Variants in DYNC2H1 observed in about 807,000 individuals in gnomAD.
DYNC2H1 encodes cytoplasmic dynein 2 heavy chain 1.
Under a neutral mutation model 570.0 loss-of-function variants are expected in DYNC2H1, and 410 were observed. The ratio of observed to expected loss-of-function variants is 0.72; its 90% CI spans 0.66 to 0.78. The LOEUF (loss-of-function observed/expected upper bound fraction) is 0.78. Ranked by LOEUF, DYNC2H1 falls within the 30% of genes least tolerant of loss-of-function variation. The pLI, the probability that DYNC2H1 is intolerant of heterozygous loss-of-function variation, is 0.00. For missense variants in DYNC2H1, 4,865 were observed against 5,046.4 expected (o/e 0.96, Z 1.09); for synonymous variants, 1,688 against 1,677.6 (o/e 1.01, Z -0.15).
intron 4 of DYNC2H1, 71 bp from the exon 5 acceptor site, chr11:103,116,499 G>T: frequency 8.0e-7 from 1 of 1,252,864 alleles, no homozygotes; most frequent in Non-Finnish European, 1.1e-6. Flanking sequence ...GAAAAGGCCT[G>T]GGAACATTTT....
At position 103,278,023 on chromosome 11, in the gene DYNC2H1, C is replaced by A. The variant is rs560502905; in HGVS notation, c.10696-2325C>A. ...TAGGTTGTGCCCTAGGTTACCATGACTGTTTTCCTCTAAGGCAGCCATAGC... is the reference window on the plus strand; with the variant it reads ...TAGGTTGTGCCCTAGGTTACCATGAATGTTTTCCTCTAAGGCAGCCATAGC... On this transcript the variant is annotated intron_variant, in intron 70 of 88. Coordinates refer to ENST00000375735, the MANE Select transcript of DYNC2H1 (RefSeq NM_001377.3). 4.6e-5 allele frequency among the ~76,000 whole-genome samples: 7 copies of A among 152,252 alleles called. No homozygotes were observed. The South Asian group carries it at 1.0e-3, about 23-fold the overall frequency.
At chr11:103,462,115 A>T (rs1164209510) in intron 87 of DYNC2H1, among the ~76,000 whole-genome samples, 2 of 152,100 alleles carry the variant, frequency 1.3e-5, no homozygotes, top group African/African-American at 4.8e-5. Context: ...GATGTGCCTT[A>T]AGTCTTTTTA....
intron 84 of DYNC2H1, among the ~76,000 whole-genome samples, chr11:103,431,721 C>T (rs1943900532): frequency 6.6e-6 from 1 of 152,144 alleles, no homozygotes; most frequent in Non-Finnish European, 1.5e-5. Flanking sequence ...AAAGCATTTT[C>T]TGCATCCTGT....
In DYNC2H1 at chr11:103,341,781, C is replaced by T. The variant is rs531307620; in HGVS notation, c.12040-16462C>T. ...CAAACTTAGTAAAGTACTCCTGGAA[C>T]GAACTTTAGAAATAATTGATTCCAA... On this transcript the variant is annotated intron_variant, in intron 82 of 88. Coordinates refer to ENST00000375735, the MANE Select transcript of DYNC2H1 (RefSeq NM_001377.3). 6.6e-5 allele frequency among the ~76,000 whole-genome samples: 10 copies of T among 152,238 alleles called. No homozygotes were observed. In the South Asian group the frequency reaches 1.2e-3, roughly 19 times the overall value.
chr11:103,385,239 G>A (rs1941823548), intron 83 of DYNC2H1, among the ~76,000 whole-genome samples: 1 of 151,982 alleles, frequency 6.6e-6, no homozygotes. Context: ...ATCAACATCT[G>A]AGTTACTCTT....
chr11:103,344,277 A>T (rs2408593), intron 82 of DYNC2H1, among the ~76,000 whole-genome samples: 13,386 of 152,234 alleles, frequency 0.088, 937 homozygotes, highest in East Asian at 0.19. Flanking sequence ...CCATGAAACA[A>T]AATATTCTAA....
chr11:103,138,642 G>A (rs939598750), intron 17 of DYNC2H1, among the ~76,000 whole-genome samples: 12 of 152,068 alleles, frequency 7.9e-5, no homozygotes, highest in African/African-American at 1.4e-4. Flanking sequence ...TTTTTACATC[G>A]ATGTTCATCA....
In DYNC2H1 at chr11:103,122,917, G is replaced by A; in HGVS notation, c.1578G>A (p.Gln526=). The change falls in exon 11 of 89, where the codon CAG becomes CAA. Residue 526 remains glutamine, a synonymous_variant. Transcript: ENST00000375735. ...FHQSAKDLLD[Q]LKLYEQEQFD... ...AAAGTGCCAAAGATCTCTTAGACCAGCTTAAACTATATGAACAGGAACAAT... is the reference window on the plus strand; with the variant it reads ...AAAGTGCCAAAGATCTCTTAGACCAACTTAAACTATATGAACAGGAACAAT... 1 of 1,612,194 alleles carries A rather than the reference G, an allele frequency of 6.2e-7. No individual in the cohort carries two copies. The highest frequency in any genetic ancestry group is 1.7e-5 in the Admixed American group (1 of 59,818).
At chr11:103,453,380 C>T (rs766595681) in intron 85 of DYNC2H1, among the ~76,000 whole-genome samples, 5 of 151,864 alleles carry the variant, frequency 3.3e-5, no homozygotes, top group African/African-American at 9.7e-5. Context: ...ATATGCTTAT[C>T]GTTTCTGCAC....
rs560925341 is a variant in DYNC2H1 at position 103,305,680 on chromosome 11, C to A, written c.11382+960C>A. On this transcript the variant is annotated intron_variant, in intron 77 of 88. Transcript: ENST00000375735. The surrounding 1 kb of genome is among the most constrained non-coding windows in gnomAD (Gnocchi z 4.3). ...TGAGGTATTAAAAATCTCTGCAGTC[C>A]TAATTAATTGGCAACTACACACTTC... Among the ~76,000 whole-genome samples, 20 of 151,404 alleles carry A rather than the reference C, an allele frequency of 1.3e-4. No individual in the cohort carries two copies. Among genetic ancestry groups the A allele is most frequent in the Non-Finnish European group, 2.5e-4 (17 of 67,922 alleles).
rs1466089332 is a variant in DYNC2H1 at position 103,187,389 on chromosome 11, A to T, written c.6943A>T (p.Thr2315Ser). 3 of 1,613,202 alleles carry T rather than the reference A, an allele frequency of 1.9e-6. No individual in the cohort carries two copies. Among genetic ancestry groups the T allele is most frequent in the Non-Finnish European group, 2.5e-6 (3 of 1,179,392 alleles). The change falls in exon 43 of 89, where the codon ACA (threonine) becomes TCA (serine). Residue 2315 changes from threonine (T) to serine (S), a missense_variant. Around this residue, in one of 5 missense-constraint regions of DYNC2H1, gnomAD observed 2,401 missense variants for 2,454.6 expected, o/e 0.98. Coordinates refer to ENST00000375735, the MANE Select transcript of DYNC2H1 (RefSeq NM_001377.3). Reference protein sequence around the residue: ...FSQLRSTQIATVHCSAQTTSR... With the variant: ...FSQLRSTQIASVHCSAQTTSR... ...ACAACTCCGGTCCACTCAAATTGCT[A>T]CAGTTCACTGTAGTGCACAAACCAC... is the stretch of plus-strand genomic sequence containing the variant.
rs935802747 is a variant in DYNC2H1 at position 103,324,177 on chromosome 11, A to T, written c.12039+187A>T. On this transcript the variant is annotated intron_variant, in intron 82 of 88. Transcript: ENST00000375735. The surrounding 1 kb of genome is among the most constrained non-coding windows in gnomAD (Gnocchi z 5.2). Reference sequence around the variant, plus strand: ...TGATTTTCTGATTTTTTTTCTTTTTAAACTTTTATTTTAGACTCAGGGGAA... The same window carrying T: ...TGATTTTCTGATTTTTTTTCTTTTTTAACTTTTATTTTAGACTCAGGGGAA... Among the ~76,000 whole-genome samples, 1 of 151,810 alleles carries T rather than the reference A, an allele frequency of 6.6e-6. No individual in the cohort carries two copies. Among genetic ancestry groups the T allele is most frequent in the Non-Finnish European group, 1.5e-5 (1 of 67,920 alleles).
At chr11:103,342,740 G>T (rs1035693737) in intron 82 of DYNC2H1, among the ~76,000 whole-genome samples, 61 of 151,758 alleles carry the variant, frequency 4.0e-4, no homozygotes, top group African/African-American at 1.5e-3. Context: ...TCCTGACCTC[G>T]TGATCCACCC....
intron 75 of DYNC2H1, 199 bp downstream of exon 75, chr11:103,287,804 A>T: frequency 1.9e-6 from 1 of 523,250 alleles, no homozygotes; most frequent in Non-Finnish European, 3.3e-6. Flanking sequence ...TAACTGCCCA[A>T]CAGGTTCAAC....
intron 75 of DYNC2H1, among the ~76,000 whole-genome samples, chr11:103,291,570 C>T (rs985670960): frequency 3.9e-5 from 6 of 152,130 alleles, no homozygotes; most frequent in African/African-American, 7.2e-5. Context: ...TCTGTTATGT[C>T]TATTTGGTCT....
At chr11:103,432,859 A>G (rs538407213) in intron 84 of DYNC2H1, among the ~76,000 whole-genome samples, 19 of 152,294 alleles carry the variant, frequency 1.2e-4, no homozygotes, top group African/African-American at 4.6e-4. Flanking sequence ...CATAGTTACT[A>G]ACACATAGTA....
At chr11:103,469,019 G>A (rs1174123327) in intron 88 of DYNC2H1, among the ~76,000 whole-genome samples, 7 of 152,160 alleles carry the variant, frequency 4.6e-5, no homozygotes, top group Non-Finnish European at 1.0e-4. Flanking sequence ...TCAGCAATGT[G>A]TGCTAGGTAC....
chr11:103,431,448 C>T (rs1555130100), intron 84 of DYNC2H1, among the ~76,000 whole-genome samples: 1 of 152,000 alleles, frequency 6.6e-6, no homozygotes, highest in Non-Finnish European at 1.5e-5. Context: ...CTGCCATTTG[C>T]CAGCTCTGTG....
At chr11:103,386,171 G>A (rs1227248226) in intron 83 of DYNC2H1, among the ~76,000 whole-genome samples, 1 of 152,170 alleles carries the variant, frequency 6.6e-6, no homozygotes, top group East Asian at 1.9e-4. Context: ...GTTTTCAGCA[G>A]CAGCTAGCCC....
Sources: gnomAD v4.1 joint callset for allele counts (sites outside exome capture counted in the v4.1 genomes callset) on GRCh38, gnomAD v4.1.1 for gene constraint, gnomAD v4.1.1 regional missense constraint, Gnocchi (gnomAD v3.1) non-coding constraint, MANE v1.5 for transcripts, NCBI Gene and HGNC (gene_info 2026-07-23, HGNC 2026-07-21) for gene names.